Variants in NCOA1 observed in about 807,000 individuals in gnomAD.
NCOA1 encodes the protein Hin-2 protein.
In NCOA1, 35 loss-of-function variants were observed where a neutral mutation model predicts 150.9. The ratio of observed to expected loss-of-function variants is 0.23; its 90% confidence interval spans 0.18 to 0.31. NCOA1 has a LOEUF of 0.31. NCOA1 is among the 10% of genes least tolerant of loss of function. The pLI is 1.00. For missense variants in NCOA1, 1,491 were observed against 1,749.3 expected, an observed-to-expected ratio of 0.85 and a Z score of 2.63; for synonymous variants, 590 against 630.0, an observed-to-expected ratio of 0.94 and a Z score of 0.95.
intron 14 of NCOA1, among the ~76,000 whole-genome samples, chr2:24,718,893 G>T (rs185541332): frequency 6.6e-6 from 1 of 150,376 alleles, no homozygotes; most frequent in Admixed American, 6.6e-5. Context: ...GCCAGGTGTG[G>T]TGGCGGGCGC....
intron 21 of NCOA1, among the ~76,000 whole-genome samples, chr2:24,760,260 C>T (rs1362286003): frequency 1.3e-5 from 2 of 149,598 alleles, no homozygotes; most frequent in Admixed American, 1.3e-4. Context: ...CTGCTTCAGA[C>T]TCCCAAGTAG....
At chr2:24,642,640 A>G (rs2148460205) in intron 3 of NCOA1, among the ~76,000 whole-genome samples, 1 of 152,316 alleles carries the variant, frequency 6.6e-6, no homozygotes, top group African/African-American at 2.4e-5. Flanking sequence ...TGGGCATTGA[A>G]ATGAAAACAA....
intron 6 of NCOA1, among the ~76,000 whole-genome samples, chr2:24,667,041 G>A (rs1671464061): frequency 6.6e-6 from 1 of 152,100 alleles, no homozygotes; most frequent in Non-Finnish European, 1.5e-5. Flanking sequence ...AACATATGAG[G>A]AAATAATCTA....
In NCOA1 at chr2:24,752,201, A is replaced by G. The variant is rs1238704387; in HGVS notation, c.3881+45A>G. On this transcript the variant is annotated intron_variant, in intron 20 of 22. Transcript: ENST00000348332. ...ATATGAGCATCCTTGATACTGTGAT[A>G]AATCCTTGATACTGATAAATGCTAC... The G allele has an allele frequency of 3.2e-6, 5 of 1,585,634 alleles. No individual in the cohort carries two copies. The South Asian group carries it at 5.7e-5, about 18-fold the overall frequency.
chr2:24,497,636 C>T (rs1325714368), intron 1 of NCOA1, among the ~76,000 whole-genome samples: 2 of 151,874 alleles, frequency 1.3e-5, no homozygotes, highest in Non-Finnish European at 2.9e-5. Flanking sequence ...CGCGCCATTG[C>T]ACTCCAGCCT....
At chr2:24,549,622 A>G (rs1665744412) in intron 1 of NCOA1, among the ~76,000 whole-genome samples, 1 of 152,180 alleles carries the variant, frequency 6.6e-6, no homozygotes, top group Non-Finnish European at 1.5e-5. Flanking sequence ...GCTGGAGTGC[A>G]GTGGCGCAAT....
intron 1 of NCOA1, among the ~76,000 whole-genome samples, chr2:24,502,972 C>G (rs1475199205): frequency 6.6e-6 from 1 of 152,104 alleles, no homozygotes; most frequent in Non-Finnish European, 1.5e-5. Flanking sequence ...TGTCCTGTCT[C>G]CTGTATTAGG....
chr2:24,564,528 T>C (rs936721466), intron 2 of NCOA1, 98 bp downstream of exon 2: 10 of 152,230 alleles, frequency 6.6e-5, no homozygotes, highest in Non-Finnish European at 1.5e-4. Flanking sequence ...AAAGTACTTA[T>C]ATGTTAGAAT....
At chr2:24,574,584 A>G (rs1666873757) in intron 2 of NCOA1, among the ~76,000 whole-genome samples, 1 of 152,146 alleles carries the variant, frequency 6.6e-6, no homozygotes, top group South Asian at 2.1e-4. Flanking sequence ...GTTTATATTT[A>G]TTAACGTATT....
In NCOA1 at chr2:24,752,097, C is replaced by T. The variant is rs1025567845; in HGVS notation, c.3822C>T (p.Ala1274=). ...CTCTTCTCCAGCAAACTCCACCTGC[C>T]TCCGGGTATCAGTCACCAGACATGA... ...QSSLLQQTPP[A]SGYQSPDMKA... is the part of the protein sequence containing the mutation. Residue 1274 remains alanine, a synonymous_variant, in exon 20 of 23, where the codon GCC becomes GCT. Transcript: ENST00000348332. 3.4e-5 allele frequency: 55 copies of T among 1,614,048 alleles called. No homozygotes were observed. Among genetic ancestry groups the T allele is most frequent in the Middle Eastern group, 1.6e-4 (1 of 6,084 alleles).
intron 17 of NCOA1, among the ~76,000 whole-genome samples, chr2:24,730,751 C>G (rs555067000): frequency 1.3e-5 from 2 of 151,310 alleles, no homozygotes; most frequent in East Asian, 3.9e-4. Flanking sequence ...GTGGGCCGGG[C>G]GTGGTGGCTC....
chr2:24,581,274 G>C (rs568114093), intron 2 of NCOA1, among the ~76,000 whole-genome samples: 8 of 152,308 alleles, frequency 5.3e-5, no homozygotes, highest in Non-Finnish European at 1.2e-4. Context: ...CTCTCCATGT[G>C]GTCTTCACTG....
intron 3 of NCOA1, among the ~76,000 whole-genome samples, chr2:24,606,818 T>C (rs774471627): frequency 2.6e-5 from 4 of 152,230 alleles, no homozygotes; most frequent in Non-Finnish European, 4.4e-5. Context: ...TATAACTTAT[T>C]AGTTATTTGA....
chr2:24,584,234 T>A lies in NCOA1; in HGVS notation c.-259-242T>A, dbSNP rs560417285. Among the ~76,000 whole-genome samples the A allele has an allele frequency of 6.6e-4, 101 of 152,346 alleles. 1 individual carries two copies. The highest frequency in any genetic ancestry group is 2.3e-3 in the African/African-American group (97 of 41,592). On this transcript the variant is annotated intron_variant, in intron 2 of 22. Coordinates refer to ENST00000348332, the MANE Select transcript of NCOA1 (RefSeq NM_003743.5). Reference sequence around the variant, plus strand: ...AAAAAAGAAGTATTTTGTAGAATGTTAATTATCTATATTCCATTTTATTAA... The same window carrying A: ...AAAAAAGAAGTATTTTGTAGAATGTAAATTATCTATATTCCATTTTATTAA...
At chr2:24,580,569 T>C (rs1667155290) in intron 2 of NCOA1, among the ~76,000 whole-genome samples, 1 of 152,234 alleles carries the variant, frequency 6.6e-6, no homozygotes, top group Non-Finnish European at 1.5e-5. Context: ...TTACATCTTT[T>C]GTTTTACCTA....
At chr2:24,708,668 A>T (rs1473309927) in intron 13 of NCOA1, among the ~76,000 whole-genome samples, 1 of 152,198 alleles carries the variant, frequency 6.6e-6, no homozygotes, top group Non-Finnish European at 1.5e-5. Flanking sequence ...ATTAATCAGC[A>T]GACAATGTAT....
intron 4 of NCOA1, among the ~76,000 whole-genome samples, chr2:24,648,447 A>G (rs1262677349): frequency 6.6e-6 from 1 of 151,926 alleles, no homozygotes; most frequent in African/African-American, 2.4e-5. Context: ...TAATTTTTGT[A>G]TTTTTAGTAG....
chr2:24,736,377 A>T (rs1663305432), intron 17 of NCOA1, among the ~76,000 whole-genome samples: 1 of 152,182 alleles, frequency 6.6e-6, no homozygotes, highest in African/African-American at 2.4e-5. Flanking sequence ...TGACAGTGAG[A>T]CACATAAACA....
At chr2:24,693,430 T>G in intron 10 of NCOA1, 83 bp downstream of exon 10, 1 of 1,209,004 alleles carries the variant, frequency 8.3e-7, no homozygotes, top group Middle Eastern at 1.9e-4. Flanking sequence ...CAGAATGTCT[T>G]TCTGTTCTAT....
Sources: gnomAD v4.1 joint callset for allele counts (sites outside exome capture counted in the v4.1 genomes callset) on GRCh38, gnomAD v4.1.1 for gene constraint, MANE v1.5 for transcripts, NCBI Gene and HGNC (gene_info 2026-07-23, HGNC 2026-07-21) for gene names.